Variants in TXNDC16 observed in about 807,000 individuals in gnomAD.
The protein encoded by TXNDC16 is thioredoxin domain containing 16.
A neutral mutation model predicts 85.6 loss-of-function variants in TXNDC16; 74 were observed. That is an observed-to-expected ratio of 0.86 (90% CI 0.72 to 1.05). TXNDC16 has a LOEUF of 1.05. TXNDC16 is among the 50% of genes least tolerant of loss of function. The probability of loss-of-function intolerance (pLI) is 0.00; values close to 1 mark genes in which losing one functional copy is unlikely to be tolerated. For missense variants in TXNDC16, 959 were observed against 947.0 expected (o/e 1.01, Z -0.17); for synonymous variants, 335 against 326.5 (o/e 1.03, Z -0.28).
Position 52,514,622 on chromosome 14 carries a change from G to T in TXNDC16, c.605+258C>A, listed in dbSNP as rs1331971827. Among the ~76,000 whole-genome samples the T allele has an allele frequency of 3.9e-5, 6 of 152,032 alleles. No homozygotes were observed. In the East Asian group the frequency reaches 1.2e-3, roughly 29 times the overall value. ...GAACCATTCCTAAGATATCCCGCTT[G>T]GCCACTCACATCTTGTGGCTTATCC... On this transcript the variant is annotated intron_variant, in intron 8 of 20. Coordinates refer to ENST00000281741, the MANE Select transcript of TXNDC16 (RefSeq NM_020784.3).
At chr14:52,467,328 T>C (rs923622122) in intron 16 of TXNDC16, among the ~76,000 whole-genome samples, 4 of 152,078 alleles carry the variant, frequency 2.6e-5, no homozygotes, top group African/African-American at 9.7e-5. Flanking sequence ...ATCTATGGAA[T>C]GAGAGAAAAT....
rs2037514777 is a variant in TXNDC16, at chr14:52,530,446, TA to T, written c.392+6272del. ...TTATATATAATAATATATAATATAT[TA>T]TTATATAATAATATATATTATATAT... On this transcript the variant is annotated intron_variant, in intron 6 of 20. Transcript: ENST00000281741. Among the ~76,000 whole-genome samples the T allele has an allele frequency of 1.4e-4, 2 of 14,720 alleles. 1 individual carries two copies. The highest frequency in any genetic ancestry group is 8.1e-4 in the African/African-American group (2 of 2,464). The allele number at this position is 14,720 out of a possible 152,430, so 9.7% of individuals were successfully genotyped here.
chr14:52,545,173 T>C (rs2037916950), intron 1 of TXNDC16, among the ~76,000 whole-genome samples: 2 of 152,222 alleles, frequency 1.3e-5, no homozygotes, highest in Non-Finnish European at 2.9e-5. Flanking sequence ...CTCCAGGTTA[T>C]AATTTAACCA....
chr14:52,488,551 TTGGGCCAGGTG>T lies in TXNDC16; in HGVS notation c.985-76_985-66del, dbSNP rs1191592575. 15 of 1,377,260 alleles carry T rather than the reference TTGGGCCAGGTG, an allele frequency of 1.1e-5. No homozygotes were observed. In the Admixed American group the frequency reaches 1.7e-4, roughly 16 times the overall value. 85.3% of individuals were successfully genotyped at this position (1,377,260 alleles called of 1,614,324 possible). ...GTATTTTGACATAAAAATGTTTTAC[TTGGGCCAGGTG>T]TGGTGGCTCACACCTGTAATCCCAG... On this transcript the variant is annotated intron_variant, in intron 11 of 20. Coordinates refer to ENST00000281741, the MANE Select transcript of TXNDC16 (RefSeq NM_020784.3).
intron 1 of TXNDC16, among the ~76,000 whole-genome samples, chr14:52,547,267 T>C (rs981983870): frequency 6.6e-6 from 1 of 152,096 alleles, no homozygotes; most frequent in Non-Finnish European, 1.5e-5. Flanking sequence ...GTAACAAAAA[T>C]GGAAGAACCT....
intron 14 of TXNDC16, among the ~76,000 whole-genome samples, 188 bp downstream of exon 14, chr14:52,482,042 T>C (rs554988420): frequency 2.2e-4 from 33 of 152,272 alleles, no homozygotes; most frequent in Non-Finnish European, 3.7e-4. Flanking sequence ...AAGACAGTTC[T>C]ATGAAGACAA....
chr14:52,484,206 G>GC lies in TXNDC16; in HGVS notation c.1109-1242_1109-1241insG, dbSNP rs1041074893. Among the ~76,000 whole-genome samples the GC allele has an allele frequency of 3.0e-3, 454 of 150,578 alleles. 2 individuals are homozygous for GC. Among genetic ancestry groups the GC allele is most frequent in the African/African-American group, 9.0e-3 (370 of 41,148 alleles). ...TTTGCTACAAAACAATAAGGGGGGGGGGTGATTGGAGCAGAATGAGCCATG... is the reference window on the plus strand; with the variant it reads ...TTTGCTACAAAACAATAAGGGGGGGGCGGTGATTGGAGCAGAATGAGCCATG... On this transcript the variant is annotated intron_variant, in intron 12 of 20. Transcript: ENST00000281741.
intron 6 of TXNDC16, among the ~76,000 whole-genome samples, chr14:52,534,183 G>T (rs541973240): frequency 1.3e-5 from 2 of 152,044 alleles, no homozygotes; most frequent in Non-Finnish European, 2.9e-5. Flanking sequence ...TATACAGAGG[G>T]AAAACAAAAA....
intron 18 of TXNDC16, among the ~76,000 whole-genome samples, chr14:52,449,238 AATAAAAGG>A (rs762242591): frequency 9.2e-5 from 14 of 152,112 alleles, no homozygotes; most frequent in Non-Finnish European, 1.5e-4. Context: ...AAAGACTGAA[AATAAAAGG>A]ATGGAAAAAG....
At chr14:52,470,272 G>A in intron 15 of TXNDC16, 99 bp from the exon 16 acceptor site, 1 of 954,022 alleles carries the variant, frequency 1.0e-6, no homozygotes, top group African/African-American at 1.7e-5. Flanking sequence ...ATATTACATA[G>A]GATAATATCT....
rs146527002 is a variant in TXNDC16 at position 52,447,211 on chromosome 14, T to C, written c.1843-6487A>G. 4.8e-3 allele frequency among the ~76,000 whole-genome samples: 724 copies of C among 151,944 alleles called. 12 individuals carry two copies. The highest frequency in any genetic ancestry group is 0.027 in the Admixed American group (412 of 15,244). On this transcript the variant is annotated intron_variant, in intron 18 of 20. Coordinates refer to ENST00000281741, the MANE Select transcript of TXNDC16 (RefSeq NM_020784.3). Reference sequence around the variant, plus strand: ...AGCATGAGTCCCAGGCCAGAAAGCATTCACTACAAGCTGATGGAAGAGCCC... The same window carrying C: ...AGCATGAGTCCCAGGCCAGAAAGCACTCACTACAAGCTGATGGAAGAGCCC...
At chr14:52,446,045 G>A (rs1396215119) in intron 18 of TXNDC16, among the ~76,000 whole-genome samples, 1 of 152,084 alleles carries the variant, frequency 6.6e-6, no homozygotes, top group African/African-American at 2.4e-5. Context: ...CTCTTCCCCT[G>A]CAATGACTAC....
At chr14:52,502,283 T>A (rs1594735150) in intron 9 of TXNDC16, among the ~76,000 whole-genome samples, 1 of 152,362 alleles carries the variant, frequency 6.6e-6, no homozygotes, top group East Asian at 1.9e-4. Context: ...AATAAAACGC[T>A]TATGCATTAT....
At chr14:52,444,387 T>C (rs1211721642) in intron 18 of TXNDC16, among the ~76,000 whole-genome samples, 1 of 152,170 alleles carries the variant, frequency 6.6e-6, no homozygotes. Context: ...ATTTAAGCAT[T>C]ATTTATCTGG....
Position 52,552,465 on chromosome 14 carries a change from C to CGTA in TXNDC16, c.-334_-332dup, listed in dbSNP as rs1418911730. 6.6e-6 allele frequency: 1 copy of CGTA among 152,290 alleles called. No homozygotes were observed. Among genetic ancestry groups the CGTA allele is most frequent in the Non-Finnish European group, 1.5e-5 (1 of 68,110 alleles). The allele number at this position is 152,290 out of a possible 1,614,324, so 9.4% of individuals were successfully genotyped here. A position where few individuals can be genotyped will look rare whatever the true frequency, so the allele number is the denominator to read the frequency against. On this transcript the variant is annotated 5_prime_UTR_variant, in exon 1 of 21. Transcript: ENST00000281741. The stretch of plus-strand genomic sequence containing the variant: ...GAACCACTTCGCCAACCTGCAAAGG[C>CGTA]GTAGCACTTCTCCCTCCCAGCCTGC...
chr14:52,536,941 C>T (rs984038357), intron 5 of TXNDC16, 148 bp from the exon 6 acceptor site: 2 of 606,032 alleles, frequency 3.3e-6, no homozygotes, highest in Non-Finnish European at 2.9e-6. Flanking sequence ...TACCTACCAG[C>T]GTCCTGGCAC....
intron 7 of TXNDC16, among the ~76,000 whole-genome samples, chr14:52,517,292 G>A (rs760108800): frequency 6.6e-5 from 10 of 152,212 alleles, no homozygotes; most frequent in Non-Finnish European, 1.5e-4. Flanking sequence ...AATACTTACA[G>A]CTGCAAAAGG....
At chr14:52,479,311 C>T (rs2036091709) in intron 14 of TXNDC16, among the ~76,000 whole-genome samples, 1 of 152,084 alleles carries the variant, frequency 6.6e-6, no homozygotes, top group Non-Finnish European at 1.5e-5. Flanking sequence ...AAGTCCTAGC[C>T]AGAGCAATCA....
intron 18 of TXNDC16, among the ~76,000 whole-genome samples, chr14:52,451,381 C>T (rs1486609696): frequency 6.6e-6 from 1 of 151,682 alleles, no homozygotes; most frequent in African/African-American, 2.4e-5. Context: ...AAAAACCAGA[C>T]AAAGGCATAT....
Sources: gnomAD v4.1 joint callset for allele counts (sites outside exome capture counted in the v4.1 genomes callset) on GRCh38, gnomAD v4.1.1 for gene constraint, MANE v1.5 for transcripts, NCBI Gene and HGNC (gene_info 2026-07-23, HGNC 2026-07-21) for gene names.